MOK: variants seen among roughly 807,000 people sequenced by gnomAD.
MOK encodes MAPK/MAK/MRK overlapping kinase.
MOK carries 59 observed loss-of-function variants against 54.2 expected under a neutral mutation model. That is an observed-to-expected ratio of 1.09 (90% CI 0.88 to 1.35). The LOEUF is 1.35. Among genes scored for constraint, MOK ranks in the 40% most tolerant of loss-of-function variants. MOK has a pLI of 0.00. For synonymous variants in MOK, 210 were observed against 202.7 expected (o/e 1.04, Z -0.31); for missense variants, 517 against 526.2 (o/e 0.98, Z 0.17).
At chr14:102,266,849 G>A (rs961575306) in intron 2 of MOK, among the ~76,000 whole-genome samples, 10 of 152,032 alleles carry the variant, frequency 6.6e-5, no homozygotes, top group Admixed American at 4.6e-4. Flanking sequence ...CCCAAAGTGC[G>A]GGCATTACAG....
At chr14:102,297,606 C>T (rs1042410486) in intron 1 of MOK, among the ~76,000 whole-genome samples, 13 of 152,232 alleles carry the variant, frequency 8.5e-5, no homozygotes, top group Admixed American at 8.5e-4. Context: ...GGGAGCCCCT[C>T]CCTGGGCTGG....
chr14:102,214,768 A>G, the MOK span: 6 of 979,482 alleles, frequency 6.1e-6, no homozygotes, highest in Non-Finnish European at 7.3e-6. Flanking sequence ...CCTTCCTAAC[A>G]TGAAATATTG....
intron 7 of MOK, among the ~76,000 whole-genome samples, chr14:102,248,262 C>T (rs1567165278): frequency 6.6e-6 from 1 of 152,212 alleles, no homozygotes. Context: ...AGCCTCTTTA[C>T]ATTTCTAAGC....
intron 1 of MOK, among the ~76,000 whole-genome samples, chr14:102,291,061 T>C (rs2070712568): frequency 6.6e-6 from 1 of 152,198 alleles, no homozygotes; most frequent in African/African-American, 2.4e-5. Context: ...ACTATTCTGC[T>C]AGCTTTATTG....
intron 7 of MOK, chr14:102,246,050 T>C (rs2066066451): frequency 6.6e-6 from 1 of 152,394 alleles, no homozygotes; most frequent in Non-Finnish European, 1.5e-5. Flanking sequence ...GGCATTATAA[T>C]ACTTACCCTA....
At chr14:102,215,011 A>G in the MOK span, 3 of 981,980 alleles carry the variant, frequency 3.1e-6, no homozygotes, top group South Asian at 9.4e-5. Context: ...GTAAATGTAG[A>G]TAATTTTCAG....
In MOK at chr14:102,246,782, G is replaced by A. The variant is rs111380583; in HGVS notation, c.590+4030C>T. ...AGCTGTGATGAATGCCTATTAGTAG[G>A]AACCGTAACAACCCACACAATCTTA... is the stretch of plus-strand genomic sequence containing the variant. On this transcript the variant is annotated intron_variant, in intron 7 of 11. Coordinates refer to ENST00000361847, the MANE Select transcript of MOK (RefSeq NM_014226.3). 2.6e-5 allele frequency among the ~76,000 whole-genome samples: 4 copies of A among 152,170 alleles called. No individual in the cohort carries two copies. In the East Asian group the frequency reaches 5.8e-4, roughly 22 times the overall value.
At position 102,281,538 on chromosome 14, in the gene MOK, C is replaced by T. The variant is rs188877501; in HGVS notation, c.122+1940G>A. 3.1e-4 allele frequency among the ~76,000 whole-genome samples: 46 copies of T among 150,206 alleles called. No homozygotes were observed. In the East Asian group the frequency reaches 8.7e-3, roughly 28 times the overall value. The stretch of plus-strand genomic sequence containing the variant: ...AAAAGAAAAAAAAAAGCATCACACC[C>T]TACTGTTCAAAATCCTGTACTGGCA... On this transcript the variant is annotated intron_variant, in intron 2 of 11. Coordinates refer to ENST00000361847, the MANE Select transcript of MOK (RefSeq NM_014226.3).
chr14:102,263,508 AG>A (rs2067646470), intron 4 of MOK, 37 bp downstream of exon 4: 1 of 1,431,504 alleles, frequency 7.0e-7, no homozygotes, highest in African/African-American at 1.4e-5. Context: ...AAGCCTTAAA[AG>A]AGGATCTTAG....
Position 102,229,308 on chromosome 14 carries a change from A to C in MOK, c.1241T>G (p.Val414Gly), listed in dbSNP as rs745376012. 22 of 1,610,200 alleles carry C rather than the reference A, an allele frequency of 1.4e-5. No individual in the cohort carries two copies. In the South Asian group the frequency reaches 2.4e-4, roughly 18 times the overall value. Residue 414 changes from valine (V) to glycine (G), a missense_variant, in exon 12 of 12, where the codon GTG (valine) becomes GGG (glycine). Val to Gly is a moderately radical substitution (Grantham distance 109). Coordinates refer to ENST00000361847, the MANE Select transcript of MOK (RefSeq NM_014226.3). ...GCTCAGTTATCTTCCGCCTTTCCGCACTATGGTGGGCAGGCGACACTGCTG... is the reference window on the plus strand; with the variant it reads ...GCTCAGTTATCTTCCGCCTTTCCGCCCTATGGTGGGCAGGCGACACTGCTG... ...APQQCRLPTI[V>G]RKGGR
At position 102,305,092 on chromosome 14, in the gene MOK, G is replaced by A. The variant is rs1326712931; in HGVS notation, c.-124C>T. ...GTCCCGCACTAGGATCTCCGTGGTG[G>A]TCCCTCGAAGGAGAGCGTTAGAGAT... On this transcript the variant is annotated 5_prime_UTR_variant, in exon 1 of 12. Transcript: ENST00000361847. The A allele has an allele frequency of 6.9e-6, 8 of 1,159,248 alleles. No homozygotes were observed. The highest frequency in any genetic ancestry group is 7.6e-6 in the Non-Finnish European group (6 of 790,758). The allele number at this position is 1,159,248 out of a possible 1,614,324, so 71.8% of individuals were successfully genotyped here.
intron 7 of MOK, among the ~76,000 whole-genome samples, chr14:102,241,125 C>T (rs147610304): frequency 1.7e-3 from 260 of 152,270 alleles, no homozygotes; most frequent in African/African-American, 5.5e-3. Flanking sequence ...TTTTACACAT[C>T]GGTCCCTCCC....
intron 7 of MOK, chr14:102,234,156 C>T (rs950168563): frequency 9.7e-6 from 2 of 207,006 alleles, no homozygotes; most frequent in South Asian, 8.6e-5. Context: ...TCCTTTCTCT[C>T]GGATGACCTA....
intron 1 of MOK, among the ~76,000 whole-genome samples, chr14:102,286,326 G>C (rs894913453): frequency 9.7e-6 from 1 of 102,816 alleles, no homozygotes; most frequent in Admixed American, 1.1e-4. Context: ...AAAAAAAAAA[G>C]ATGTGCATCC....
At chr14:102,264,849 G>A (rs1056850890) in intron 3 of MOK, among the ~76,000 whole-genome samples, 2 of 152,140 alleles carry the variant, frequency 1.3e-5, no homozygotes. Context: ...GAGCCACAGC[G>A]AAGCTTCTAC....
chr14:102,224,785 A>G (rs930182099), downstream of MOK: 4 of 455,962 alleles, frequency 8.8e-6, no homozygotes, highest in African/African-American at 2.0e-5. Context: ...TGAACTATGG[A>G]GTGAGTCTTC....
At position 102,275,649 on chromosome 14, in the gene MOK, T is replaced by C. The variant is rs984907255; in HGVS notation, c.122+7829A>G. 4.1e-5 allele frequency among the ~76,000 whole-genome samples: 6 copies of C among 146,328 alleles called. No individual in the cohort carries two copies. In the East Asian group the frequency reaches 6.0e-4, roughly 15 times the overall value. ...GTTTTTAGGAGAAAATACAGGAGAA[T>C]ACATTCACAACCTAGAAGTAGACAA... On this transcript the variant is annotated intron_variant, in intron 2 of 11. Transcript: ENST00000361847.
rs954609475 is a variant in MOK at position 102,235,906 on chromosome 14, C to G, written c.591-2117G>C. ...TAAATTAGATAAAGCCCAAAGAGATCGTGCTAAATACCAGCTTCTAGCAGC... is the reference window on the plus strand; with the variant it reads ...TAAATTAGATAAAGCCCAAAGAGATGGTGCTAAATACCAGCTTCTAGCAGC... On this transcript the variant is annotated intron_variant, in intron 7 of 11. Transcript: ENST00000361847. This position sits in a 1 kb window ranked among gnomAD's most constrained non-coding sequence, Gnocchi z 4.4. Among the ~76,000 whole-genome samples the G allele has an allele frequency of 3.3e-5, 5 of 152,244 alleles. No homozygotes were observed. In the South Asian group the frequency reaches 8.3e-4, roughly 25 times the overall value.
chr14:102,253,506 A>C (rs1410147438), intron 4 of MOK, among the ~76,000 whole-genome samples: 3 of 152,226 alleles, frequency 2.0e-5, no homozygotes, highest in East Asian at 1.9e-4. Context: ...GTCCACTTTA[A>C]AGGGGGACAG....
Sources: allele counts gnomAD v4.1 joint callset (sites outside exome capture counted in the v4.1 genomes callset), GRCh38; gene constraint gnomAD v4.1.1; non-coding constraint Gnocchi (gnomAD v3.1); transcripts MANE v1.5; gene names NCBI Gene and HGNC (gene_info 2026-07-23, HGNC 2026-07-21).